Variants in SPAG9 observed in about 807,000 individuals in gnomAD.
The protein encoded by SPAG9 is sperm associated antigen 9.
In SPAG9, 35 loss-of-function variants were observed where a neutral mutation model predicts 166.5. That is an observed-to-expected ratio of 0.21 (90% CI 0.16 to 0.28). SPAG9 has a LOEUF of 0.28. Among genes scored for constraint, SPAG9 ranks in the 10% least tolerant of loss-of-function variants. SPAG9 has a pLI of 1.00. For synonymous variants in SPAG9, 534 were observed against 565.5 expected, an observed-to-expected ratio of 0.94 and a Z score of 0.79; for missense variants, 1,235 against 1,603.3, an observed-to-expected ratio of 0.77 and a Z score of 3.92.
intron 3 of SPAG9, among the ~76,000 whole-genome samples, chr17:51,053,855 G>GTATATATATATATA (rs1161592026): frequency 8.2e-4 from 31 of 37,726 alleles, no homozygotes; most frequent in South Asian, 1.2e-3. Context: ...AAAAAAAAAA[G>GTATATATATATATA]TATATATATA....
rs144533944 is a variant in SPAG9, at chr17:50,998,587, G to A, written c.1695C>T (p.Asn565=). Residue 565 remains asparagine, a synonymous_variant, in exon 15 of 30, where the codon AAC becomes AAT. Coordinates refer to ENST00000262013, the MANE Select transcript of SPAG9 (RefSeq NM_001130528.3). Reference sequence around the variant, plus strand: ...CAGGTGGTTCAGGCTTCTTAGTCGTGTTACTTGAGGAGCTGAAAAGTCGGC... The same window carrying A: ...CAGGTGGTTCAGGCTTCTTAGTCGTATTACTTGAGGAGCTGAAAAGTCGGC... ...FFSRLFSSSS[N]TTKKPEPPVN... is the part of the protein sequence containing the mutation. 6.2e-6 allele frequency: 10 copies of A among 1,614,002 alleles called. No homozygotes were observed. The highest frequency in any genetic ancestry group is 1.6e-4 in the Middle Eastern group (1 of 6,084).
Position 51,031,681 on chromosome 17 carries a change from C to T in SPAG9, c.783G>A (p.Glu261=). ...SPEPQKAVEQ[E]DELSDVSQGG... is the part of the protein sequence containing the mutation. ...AAATGTTAAGAAGCACCATTCTCAC[C>T]TCCTGTTCTACAGCCTTCTGAGGTT... The change falls in exon 6 of 30, where the codon GAG becomes GAA. Residue 261 remains glutamate (E), a splice_region_variant and synonymous_variant. Transcript: ENST00000262013. 1.3e-6 allele frequency: 2 copies of T among 1,550,576 alleles called. No homozygotes were observed. The highest frequency in any genetic ancestry group is 1.7e-6 in the Non-Finnish European group (2 of 1,146,098).
intron 1 of SPAG9, among the ~76,000 whole-genome samples, chr17:51,106,458 T>C (rs1232393730): frequency 6.6e-6 from 1 of 152,216 alleles, no homozygotes; most frequent in African/African-American, 2.4e-5. Flanking sequence ...ATAGGCTACC[T>C]TCCTTGTCTG....
intron 1 of SPAG9, among the ~76,000 whole-genome samples, chr17:51,105,107 GATAA>G (rs200736089): frequency 3.2e-4 from 48 of 151,294 alleles, no homozygotes; most frequent in Non-Finnish European, 4.1e-4. Flanking sequence ...AAAATAAATA[GATAA>G]ATAAATAAAT....
chr17:50,990,907 C>CT (rs893608311), intron 19 of SPAG9, among the ~76,000 whole-genome samples: 2,039 of 136,928 alleles, frequency 0.015, 23 homozygotes, highest in African/African-American at 0.023. Flanking sequence ...AGAAAATAAA[C>CT]TTTTTTTTTT....
intron 17 of SPAG9, 100 bp from the exon 18 acceptor site, chr17:50,995,324 C>T (rs922519107): frequency 7.6e-7 from 1 of 1,324,224 alleles, no homozygotes; most frequent in African/African-American, 1.5e-5. Context: ...GTCTTATAAC[C>T]TAATATTATA....
chr17:50,982,643 G>T lies in SPAG9; in HGVS notation c.3118C>A (p.Leu1040Ile). 1.2e-6 allele frequency: 2 copies of T among 1,611,618 alleles called. No homozygotes were observed. Among genetic ancestry groups the T allele is most frequent in the Non-Finnish European group, 1.7e-6 (2 of 1,179,460 alleles). ...TGATGAGGCCGTCCAAGGTCTAAGA[G>T]GTGATAGTTTGACAAATCCCACTGC... ...DGQWDLSNYH[L>I]LDLGRPHHSI... The change falls in exon 25 of 30, where the codon CTC (leucine) becomes ATC (isoleucine). Residue 1040 changes from leucine to isoleucine, a missense_variant. Coordinates refer to ENST00000262013, the MANE Select transcript of SPAG9 (RefSeq NM_001130528.3).
intron 10 of SPAG9, among the ~76,000 whole-genome samples, 170 bp downstream of exon 10, chr17:51,007,099 C>A (rs2045254703): frequency 6.7e-6 from 1 of 150,158 alleles, no homozygotes; most frequent in Non-Finnish European, 1.5e-5. Context: ...CAGTGTAGGT[C>A]CCAACATTAG....
intron 21 of SPAG9, among the ~76,000 whole-genome samples, chr17:50,988,905 T>C (rs1975293553): frequency 6.6e-6 from 1 of 152,112 alleles, no homozygotes; most frequent in South Asian, 2.1e-4. Flanking sequence ...AAAAAGGTCA[T>C]CCACACCCAT....
At chr17:51,001,651 A>G in intron 13 of SPAG9, 64 bp downstream of exon 13, 1 of 1,514,018 alleles carries the variant, frequency 6.6e-7, no homozygotes, top group Non-Finnish European at 8.9e-7. Context: ...TAAGTTCCAC[A>G]TGAAGGAATA....
At chr17:50,971,753 C>T (rs1227800596) in intron 28 of SPAG9, among the ~76,000 whole-genome samples, 1 of 151,824 alleles carries the variant, frequency 6.6e-6, no homozygotes, top group Non-Finnish European at 1.5e-5. Flanking sequence ...AGCCACTGCA[C>T]CTGGCCCAAA....
At chr17:50,978,598 T>C (rs1329524866) in intron 26 of SPAG9, among the ~76,000 whole-genome samples, 1 of 152,140 alleles carries the variant, frequency 6.6e-6, no homozygotes, top group Non-Finnish European at 1.5e-5. Flanking sequence ...ACGATCACAA[T>C]AATGATAAGC....
chr17:51,076,581 C>A (rs1402100161), intron 2 of SPAG9, among the ~76,000 whole-genome samples: 2 of 151,784 alleles, frequency 1.3e-5, no homozygotes, highest in African/African-American at 2.4e-5. Context: ...ACTAAAAATA[C>A]AAAAATTAGC....
At position 51,014,337 on chromosome 17, in the gene SPAG9, T is replaced by TAG. The variant is rs746846612; in HGVS notation, c.1107_1108insCT (p.Ile370LeufsTer2). 8.7e-6 allele frequency: 14 copies of TAG among 1,611,654 alleles called. No individual in the cohort carries two copies. Among genetic ancestry groups the TAG allele is most frequent in the Non-Finnish European group, 8.5e-7 (1 of 1,178,974 alleles). On this transcript the variant is annotated frameshift_variant, in exon 9 of 30. Transcript: ENST00000262013. LOFTEE classifies it high-confidence loss of function. ...TTGCGATCAAAAGCTTTGTTCTCTA[T>TAG]GCCTTTGGTGGGAGTGCTATGCAAC...
intron 20 of SPAG9, 118 bp downstream of exon 20, chr17:50,990,332 G>T: frequency 1.2e-6 from 1 of 837,490 alleles, no homozygotes; most frequent in South Asian, 1.6e-5. Flanking sequence ...CCGGCCTACA[G>T]TATCTTCTTT....
At position 51,000,743 on chromosome 17, in the gene SPAG9, CAATAAATGAATG is replaced by C. The variant is rs1406792494; in HGVS notation, c.1607+960_1607+971del. On this transcript the variant is annotated intron_variant, in intron 13 of 29. Transcript: ENST00000262013. ...AAGACTCCATCACAAGACTCCATCT[CAATAAATGAATG>C]AATAAATAAATAAATAAATAAATAA... Among the ~76,000 whole-genome samples the C allele has an allele frequency of 5.2e-3, 614 of 117,724 alleles. 4 individuals are homozygous for C. The highest frequency in any genetic ancestry group is 0.023 in the African/African-American group (570 of 25,102). The allele number at this position is 117,724 out of a possible 152,430, so 77.2% of individuals were successfully genotyped here. A position where few individuals can be genotyped will look rare whatever the true frequency, so the allele number is the denominator to read the frequency against.
intron 2 of SPAG9, among the ~76,000 whole-genome samples, chr17:51,066,330 C>T (rs1044783677): frequency 2.0e-5 from 3 of 151,768 alleles, no homozygotes; most frequent in Admixed American, 1.3e-4. Flanking sequence ...AGGCTGGTCT[C>T]GATCTCCTGG....
chr17:51,039,849 C>T (rs1185161849), intron 5 of SPAG9, among the ~76,000 whole-genome samples: 1 of 152,090 alleles, frequency 6.6e-6, no homozygotes, highest in Non-Finnish European at 1.5e-5. Context: ...AAAGCACACA[C>T]AGCAAGTAGG....
intron 1 of SPAG9, among the ~76,000 whole-genome samples, chr17:51,088,274 G>A (rs1355414984): frequency 6.6e-6 from 1 of 152,176 alleles, no homozygotes; most frequent in Non-Finnish European, 1.5e-5. Context: ...ATGCTAGGCA[G>A]TTAGGCAGCA....
Sources: allele counts gnomAD v4.1 joint callset (sites outside exome capture counted in the v4.1 genomes callset), GRCh38; gene constraint gnomAD v4.1.1; transcripts MANE v1.5; gene names NCBI Gene and HGNC (gene_info 2026-07-23, HGNC 2026-07-21).